The following WBP2NL variants were observed in gnomAD, a reference collection of about 807,000 sequenced individuals.
WBP2NL encodes postacrosomal sheath WW domain-binding protein.
A neutral mutation model predicts 23.3 loss-of-function variants in WBP2NL; 27 were observed. That is an observed-to-expected ratio of 1.16 (90% CI 0.85 to 1.60). WBP2NL has a LOEUF of 1.60. WBP2NL is among the 40% of genes most tolerant of loss of function. The pLI is 0.00. For synonymous variants in WBP2NL, 151 were observed against 145.9 expected (o/e 1.03, Z -0.25); for missense variants, 370 against 389.5 (o/e 0.95, Z 0.42).
intron 1 of WBP2NL, among the ~76,000 whole-genome samples, chr22:42,007,593 C>T (rs1162788493): frequency 6.6e-6 from 1 of 152,168 alleles, no homozygotes; most frequent in African/African-American, 2.4e-5. Flanking sequence ...AACAACCATT[C>T]TACTTTCTGT....
chr22:42,008,949 T>C (rs1922554828), intron 1 of WBP2NL, among the ~76,000 whole-genome samples: 1 of 152,206 alleles, frequency 6.6e-6, no homozygotes, highest in South Asian at 2.1e-4. Context: ...CGGCTAATTT[T>C]TTCTATTTTT....
At chr22:42,041,868 G>T (rs1856768038) in intron 8 of WBP2NL, among the ~76,000 whole-genome samples, 1 of 152,182 alleles carries the variant, frequency 6.6e-6, no homozygotes, top group African/African-American at 2.4e-5. Flanking sequence ...TTGTAAGACA[G>T]GTGTAATGGT....
chr22:42,010,934 G>T (rs950025260), intron 1 of WBP2NL, among the ~76,000 whole-genome samples: 4 of 152,246 alleles, frequency 2.6e-5, no homozygotes, highest in South Asian at 2.1e-4. Flanking sequence ...GTGTTACATT[G>T]ATTCATTTTC....
At chr22:42,045,932 T>TTTA (rs1163032453) in intron 8 of WBP2NL, among the ~76,000 whole-genome samples, 1 of 152,250 alleles carries the variant, frequency 6.6e-6, no homozygotes, top group Non-Finnish European at 1.5e-5. Flanking sequence ...AAGCTACTTG[T>TTTA]TGATAGACAC....
At chr22:42,039,244 G>C (rs1285664476) in intron 8 of WBP2NL, among the ~76,000 whole-genome samples, 2 of 150,894 alleles carry the variant, frequency 1.3e-5, no homozygotes, top group Middle Eastern at 3.4e-3. Flanking sequence ...GCTAATTCTT[G>C]TATTTTTTTT....
At chr22:42,039,925 C>A (rs76069728) in intron 8 of WBP2NL, among the ~76,000 whole-genome samples, 3,391 of 120,580 alleles carry the variant, frequency 0.028, 150 homozygotes, top group African/African-American at 0.097. Flanking sequence ...TTTTTTTTTT[C>A]CTCGAGATGA....
chr22:42,047,084 A>G (rs1569454641), intron 8 of WBP2NL, among the ~76,000 whole-genome samples: 1 of 152,116 alleles, frequency 6.6e-6, no homozygotes, highest in Non-Finnish European at 1.5e-5. Flanking sequence ...GAGAGACAAC[A>G]TAGCAATATC....
chr22:42,040,971 G>C (rs1162117862), intron 8 of WBP2NL, among the ~76,000 whole-genome samples: 2 of 152,140 alleles, frequency 1.3e-5, no homozygotes, highest in African/African-American at 2.4e-5. Context: ...TTGTCTGCCT[G>C]AATGTGCTAT....
At chr22:42,050,230 C>G (rs1455244163) in intron 8 of WBP2NL, among the ~76,000 whole-genome samples, 2 of 151,978 alleles carry the variant, frequency 1.3e-5, no homozygotes, top group Non-Finnish European at 2.9e-5. Context: ...TTGCTTGAGG[C>G]TGCAGTGAAC....
downstream of WBP2NL, among the ~76,000 whole-genome samples, chr22:42,033,643 T>A (rs1330964800): frequency 6.6e-6 from 1 of 151,712 alleles, no homozygotes; most frequent in Non-Finnish European, 1.5e-5. Context: ...CAGGTCTTCC[T>A]GTCATCTCTG....
At position 42,027,064 on chromosome 22, in the gene WBP2NL, G is replaced by A. The variant is rs563130559; in HGVS notation, c.813G>A (p.Ala271=). The change falls in exon 6 of 6, where the codon GCG becomes GCA. Residue 271 remains alanine, a synonymous_variant. Transcript: ENST00000328823. The stretch of plus-strand genomic sequence containing the variant: ...CTGCAGGAAATGAAGGCCCGCCTGC[G>A]GGATACAGAGCCTCACCTGCTGGAT... ...APPAGNEGPP[A]GYRASPAGSG... 8 of 1,614,222 alleles carry A rather than the reference G, an allele frequency of 5.0e-6. No homozygotes were observed. Among genetic ancestry groups the A allele is most frequent in the South Asian group, 3.3e-5 (3 of 91,088 alleles).
chr22:41,998,854 C>T lies in WBP2NL; in HGVS notation c.36C>T (p.Arg12=), dbSNP rs1236822113. The T allele has an allele frequency of 2.5e-6, 4 of 1,612,062 alleles. No individual in the cohort carries two copies. Among genetic ancestry groups the T allele is most frequent in the South Asian group, 2.2e-5 (2 of 90,900 alleles). ...AVNQSHTENR[R]GALIPNGESL... ...ATCAGAGCCACACCGAGAACCGCCG[C>T]GGAGCCCTCATCCCTAACGGTGAAA... Residue 12 remains arginine, a synonymous_variant, in exon 1 of 6, where the codon CGC becomes CGT. Coordinates refer to ENST00000328823, the MANE Select transcript of WBP2NL (RefSeq NM_152613.3).
intron 1 of WBP2NL, among the ~76,000 whole-genome samples, chr22:42,007,343 C>T (rs1037439659): frequency 6.6e-6 from 1 of 151,988 alleles, no homozygotes; most frequent in Non-Finnish European, 1.5e-5. Flanking sequence ...ATTGTGAGGT[C>T]AGAGGATTAG....
chr22:42,022,153 G>C, intron 4 of WBP2NL, 96 bp from the exon 5 acceptor site: 1 of 982,474 alleles, frequency 1.0e-6, no homozygotes, highest in South Asian at 1.3e-5. Flanking sequence ...CACATGTAAG[G>C]TGGTGATTAA....
rs1276133401 is a variant in WBP2NL, at chr22:42,026,974, A to C, written c.723A>C (p.Pro241=). The change falls in exon 6 of 6, where the codon CCA becomes CCC. Residue 241 remains proline (P), a synonymous_variant. Transcript: ENST00000328823. The part of the protein sequence containing the change: ...YGAPPLGYGA[P]PLGYGTPPLG... ...CCCCACCTCTAGGATATGGAGCCCC[A>C]CCTCTTGGATATGGAACCCCACCTC... 3 of 1,611,682 alleles carry C rather than the reference A, an allele frequency of 1.9e-6. No homozygotes were observed. The highest frequency in any genetic ancestry group is 2.5e-6 in the Non-Finnish European group (3 of 1,179,322).
In WBP2NL at chr22:42,026,845, C is replaced by G. The variant is rs1353487790; in HGVS notation, c.594C>G (p.Ala198=). 6.2e-7 allele frequency: 1 copy of G among 1,613,112 alleles called. No homozygotes were observed. Among genetic ancestry groups the G allele is most frequent in the Non-Finnish European group, 8.5e-7 (1 of 1,179,708 alleles). ...GYGAPPAGYG[A]QPVGNEGPPV... ...GAGCCCCACCTGCAGGATATGGAGC[C>G]CAACCCGTAGGAAATGAAGGCCCGC... Residue 198 remains alanine, a synonymous_variant, in exon 6 of 6, where the codon GCC becomes GCG. Transcript: ENST00000328823.
chr22:42,019,489 A>T, intron 2 of WBP2NL, 70 bp downstream of exon 2: 1 of 1,568,136 alleles, frequency 6.4e-7, no homozygotes, highest in East Asian at 2.2e-5. Context: ...AAGAAAACTT[A>T]AACATTGACT....
chr22:42,053,855 G>T (rs1041023983), intron 8 of WBP2NL, among the ~76,000 whole-genome samples: 3 of 151,982 alleles, frequency 2.0e-5, no homozygotes, highest in African/African-American at 7.3e-5. Context: ...TAAGTCATTT[G>T]TCTTTTTATT....
Position 42,043,255 on chromosome 22 carries a change from C to T in WBP2NL, c.*273+12432C>T, listed in dbSNP as rs115407814. On this transcript the variant is annotated intron_variant and NMD_transcript_variant, in intron 8 of 8. Transcript: ENST00000436265. ...GGAGCTGGGTCTGTGATGTCAGCAA[C>T]TGTGTGGTCCTTGGAGACAAGAGGT... Among the ~76,000 whole-genome samples, 387 of 152,180 alleles carry T rather than the reference C, an allele frequency of 2.5e-3. 2 individuals are homozygous for T. The highest frequency in any genetic ancestry group is 8.8e-3 in the African/African-American group (365 of 41,510).
Sources: allele counts gnomAD v4.1 joint callset (sites outside exome capture counted in the v4.1 genomes callset), GRCh38; gene constraint gnomAD v4.1.1; transcripts MANE v1.5; gene names NCBI Gene and HGNC (gene_info 2026-07-23, HGNC 2026-07-21).